Variants in CFAP69 observed in about 807,000 individuals in gnomAD.
CFAP69 encodes the protein cilia- and flagella-associated protein 69.
In CFAP69, 92 loss-of-function variants were observed where a neutral mutation model predicts 123.0. The ratio of observed to expected loss-of-function variants is 0.75; its 90% CI spans 0.63 to 0.89. CFAP69 has a LOEUF of 0.89. Among genes scored for constraint, CFAP69 ranks in the 40% least tolerant of loss-of-function variants. CFAP69 has a pLI of 0.00. For missense variants in CFAP69, 1,067 were observed against 1,096.9 expected, an observed-to-expected ratio of 0.97 and a Z score of 0.39; for synonymous variants, 380 against 364.3, an observed-to-expected ratio of 1.04 and a Z score of -0.49.
rs1162154546 is a variant in CFAP69 at position 90,286,274 on chromosome 7, A to G, written c.1538-7A>G. On this transcript the variant is annotated splice_polypyrimidine_tract_variant and splice_region_variant and intron_variant, in intron 13 of 22. Transcript: ENST00000389297. ...AACTATACAGTCTTTAAATGTTTTC[A>G]TACCAGGAATCTTTAAAAATATAAT... 2 of 1,586,664 alleles carry G rather than the reference A, an allele frequency of 1.3e-6. No homozygotes were observed. Among genetic ancestry groups the G allele is most frequent in the African/African-American group, 2.7e-5 (2 of 73,672 alleles).
the CFAP69 span, chr7:90,317,680 G>T: frequency 6.6e-6 from 1 of 151,902 alleles, no homozygotes; most frequent in East Asian, 1.9e-4. Flanking sequence ...CCTAATAAAT[G>T]GTCTATACAT....
intron 1 of CFAP69, among the ~76,000 whole-genome samples, chr7:90,255,084 T>TCTG: frequency 6.6e-6 from 1 of 152,250 alleles, no homozygotes; most frequent in Non-Finnish European, 1.5e-5. Flanking sequence ...TTACCATGTA[T>TCTG]CTGCATAGGC....
At chr7:90,277,828 T>C (rs1562879627) in intron 11 of CFAP69, among the ~76,000 whole-genome samples, 1 of 152,124 alleles carries the variant, frequency 6.6e-6, no homozygotes, top group Non-Finnish European at 1.5e-5. Context: ...CAGCGTGATA[T>C]AATTTGAAAA....
chr7:90,304,056 A>T lies in CFAP69; in HGVS notation c.2138A>T (p.Asp713Val). The T allele has an allele frequency of 6.4e-7, 1 of 1,551,162 alleles. No homozygotes were observed. Among genetic ancestry groups the T allele is most frequent in the African/African-American group, 1.4e-5 (1 of 73,146 alleles). ...PANCPSIAVM[D>V]VSENIRAKIY... ...AACTGCCCATCTATTGCGGTTATGG[A>T]TGTTTCTGAGAATATTAGAGCAAAA... Residue 713 changes from aspartate (D) to valine (V), a missense_variant, in exon 18 of 23, where the codon GAT becomes GTT. By Grantham distance (152) the Asp-to-Val change is radical (BLOSUM62 -3). Transcript: ENST00000389297.
intron 14 of CFAP69, 49 bp from the exon 15 acceptor site, chr7:90,288,185 A>G (rs954541899): frequency 6.9e-7 from 1 of 1,456,036 alleles, no homozygotes; most frequent in East Asian, 2.4e-5. Flanking sequence ...GAAAGGGAGG[A>G]ATTATTTATT....
intron 15 of CFAP69, among the ~76,000 whole-genome samples, chr7:90,296,215 G>A (rs187293216): frequency 1.8e-4 from 27 of 152,206 alleles, no homozygotes; most frequent in African/African-American, 6.0e-4. Context: ...TGTTTAAAGT[G>A]CACCAACATC....
At position 90,288,320 on chromosome 7, in the gene CFAP69, T is replaced by G. The variant is rs928230431; in HGVS notation, c.1743T>G (p.Asn581Lys). The change falls in exon 15 of 23, where the codon AAT becomes AAG. Residue 581 changes from asparagine (N) to lysine (K), a missense_variant. By Grantham distance (94) the Asn-to-Lys change is moderately conservative. Coordinates refer to ENST00000389297, the MANE Select transcript of CFAP69 (RefSeq NM_001039706.3). Reference protein sequence around the residue: ...PRKLQSGLGYNVLLFSTLDSI... With the variant: ...PRKLQSGLGYKVLLFSTLDSI... ...AGTTACAGAGTGGCTTAGGCTATAA[T>G]GTACTTCTTTTTAGTACATTGGACA... The G allele has an allele frequency of 3.1e-6, 5 of 1,611,684 alleles. No individual in the cohort carries two copies. The highest frequency in any genetic ancestry group is 3.4e-6 in the Non-Finnish European group (4 of 1,178,360).
Position 90,268,359 on chromosome 7 carries a change from A to G in CFAP69, c.507A>G (p.Ala169=). Residue 169 remains alanine (A), a synonymous_variant, in exon 6 of 23, where the codon GCA becomes GCG. Transcript: ENST00000389297. ...AGTGTATTGTTGATTTTTATCATGC[A>G]GAACCACCAAAGAAGCATATTCCAG... The part of the protein sequence containing the change: ...ICKCIVDFYH[A]EPPKKHIPGY... 6.2e-7 allele frequency: 1 copy of G among 1,610,522 alleles called. No homozygotes were observed.
At position 90,271,515 on chromosome 7, in the gene CFAP69, A is replaced by G; in HGVS notation, c.533-11A>G. Reference sequence around the variant, plus strand: ...GATAACTGTATGTATTTATTAATGAATTGTTGTTAGGTTACCAGCAAGCGA... The same window carrying G: ...GATAACTGTATGTATTTATTAATGAGTTGTTGTTAGGTTACCAGCAAGCGA... On this transcript the variant is annotated splice_polypyrimidine_tract_variant and intron_variant, in intron 6 of 22. Transcript: ENST00000389297. 6.2e-7 allele frequency: 1 copy of G among 1,605,018 alleles called. No individual in the cohort carries two copies. The highest frequency in any genetic ancestry group is 8.5e-7 in the Non-Finnish European group (1 of 1,176,610).
rs1024673305 is a variant in CFAP69, at chr7:90,287,399, A to G, written c.1657-835A>G. The G allele has an allele frequency of 8.1e-6, 5 of 620,600 alleles. No homozygotes were observed. In the Admixed American group the frequency reaches 2.5e-4, roughly 31 times the overall value. 38.4% of individuals were successfully genotyped at this position (620,600 alleles called of 1,614,324 possible). ...ATAAGAAACTGCCAAACAGTTTTCC[A>G]GAGTGGGCTGTACCATTTTAAATGT... On this transcript the variant is annotated intron_variant, in intron 14 of 22. Coordinates refer to ENST00000389297, the MANE Select transcript of CFAP69 (RefSeq NM_001039706.3).
At chr7:90,288,166 A>G (rs898953284) in intron 14 of CFAP69, 68 bp from the exon 15 acceptor site, 20 of 1,316,118 alleles carry the variant, frequency 1.5e-5, no homozygotes, top group Admixed American at 3.5e-5. Flanking sequence ...TAGGGGACCG[A>G]TAAAGTAGGA....
chr7:90,245,782 T>G (rs1183319097), intron 1 of CFAP69, among the ~76,000 whole-genome samples: 3 of 152,126 alleles, frequency 2.0e-5, no homozygotes, highest in African/African-American at 7.2e-5. Context: ...CGCTGTGTGG[T>G]CCTCCTGGAG....
At chr7:90,275,590 C>CTA in intron 9 of CFAP69, among the ~76,000 whole-genome samples, 1 of 62,072 alleles carries the variant, frequency 1.6e-5, no homozygotes, top group South Asian at 7.7e-4. Context: ...GGCCAAAAGC[C>CTA]TTTTTTTTTT....
intron 11 of CFAP69, among the ~76,000 whole-genome samples, chr7:90,278,845 T>C (rs1187041434): frequency 6.6e-6 from 1 of 152,176 alleles, no homozygotes; most frequent in African/African-American, 2.4e-5. Context: ...CTAGTAGTTA[T>C]TCCTGTTTTC....
chr7:90,284,743 G>C (rs1249456009), intron 13 of CFAP69, among the ~76,000 whole-genome samples: 6 of 152,116 alleles, frequency 3.9e-5, no homozygotes, highest in Non-Finnish European at 4.4e-5. Context: ...AGAGAGACAT[G>C]GTCCTGAAAT....
At position 90,245,532 on chromosome 7, in the gene CFAP69, C is replaced by G; in HGVS notation, c.108C>G (p.Asp36Glu). The G allele has an allele frequency of 6.7e-7, 1 of 1,502,600 alleles. No homozygotes were observed. The highest frequency in any genetic ancestry group is 2.3e-5 in the Admixed American group (1 of 42,720). 93.1% of individuals were successfully genotyped at this position (1,502,600 alleles called of 1,614,324 possible). A position where few individuals can be genotyped will look rare whatever the true frequency, so the allele number is the denominator to read the frequency against. The change falls in exon 1 of 23, where the codon GAC (aspartate) becomes GAG (glutamate). Residue 36 changes from aspartate (D) to glutamate (E), a missense_variant. Asp to Glu is a conservative substitution (Grantham distance 45, BLOSUM62 2). Transcript: ENST00000389297. Reference sequence around the variant, plus strand: ...CGGTGGTTGGGGTGGTGACGGAGGACGATGAGGCGCAGGTATGAGCAGGTG... The same window carrying G: ...CGGTGGTTGGGGTGGTGACGGAGGAGGATGAGGCGCAGGTATGAGCAGGTG... The part of the protein sequence containing the change: ...QIPVVGVVTE[D>E]DEAQDVFKPM...
At position 90,255,312 on chromosome 7, in the gene CFAP69, A is replaced by G. The variant is rs573672786; in HGVS notation, c.121-111A>G. On this transcript the variant is annotated intron_variant, in intron 1 of 22. Coordinates refer to ENST00000389297, the MANE Select transcript of CFAP69 (RefSeq NM_001039706.3). ...ATTCTCCCCTTACTATCGTAGTGTC[A>G]TAAAACATTTTTTAAGTTACCAAGG... 2.0e-5 allele frequency: 16 copies of G among 811,854 alleles called. No individual in the cohort carries two copies. In the South Asian group the frequency reaches 2.5e-4, roughly 13 times the overall value. The allele number at this position is 811,854 out of a possible 1,614,324, so 50.3% of individuals were successfully genotyped here. A position where few individuals can be genotyped will look rare whatever the true frequency, so the allele number is the denominator to read the frequency against.
Position 90,288,338 on chromosome 7 carries a change from A to C in CFAP69, c.1761A>C (p.Thr587=). The C allele has an allele frequency of 6.2e-7, 1 of 1,610,560 alleles. No individual in the cohort carries two copies. Among genetic ancestry groups the C allele is most frequent in the Non-Finnish European group, 8.5e-7 (1 of 1,177,646 alleles). ...GLGYNVLLFS[T]LDSIWCCILG... ...GCTATAATGTACTTCTTTTTAGTAC[A>C]TTGGACAGCATTTGGTGAGTATTGC... is the stretch of plus-strand genomic sequence containing the variant. The change falls in exon 15 of 23, where the codon ACA becomes ACC. Residue 587 remains threonine, a synonymous_variant. Coordinates refer to ENST00000389297, the MANE Select transcript of CFAP69 (RefSeq NM_001039706.3).
Position 90,266,953 on chromosome 7 carries a change from C to A in CFAP69, c.434-1333C>A, listed in dbSNP as rs562170602. Among the ~76,000 whole-genome samples, 155 of 152,192 alleles carry A rather than the reference C, an allele frequency of 1.0e-3. 1 individual carries two copies. The highest frequency in any genetic ancestry group is 1.4e-3 in the Non-Finnish European group (93 of 67,996). On this transcript the variant is annotated intron_variant, in intron 5 of 22. Coordinates refer to ENST00000389297, the MANE Select transcript of CFAP69 (RefSeq NM_001039706.3). ...GATGGGGGAAGAAGTTGGTACTCTGCCCTGGGATTATGAAACAGGAAGCTA... is the reference window on the plus strand; with the variant it reads ...GATGGGGGAAGAAGTTGGTACTCTGACCTGGGATTATGAAACAGGAAGCTA...
Sources: gnomAD v4.1 joint callset for allele counts (sites outside exome capture counted in the v4.1 genomes callset) on GRCh38, gnomAD v4.1.1 for gene constraint, MANE v1.5 for transcripts, NCBI Gene and HGNC (gene_info 2026-07-23, HGNC 2026-07-21) for gene names.